Variants in CCNG2 observed in about 807,000 individuals in gnomAD.
CCNG2 encodes the protein cyclin G2, also known as cyclin-G2.
In CCNG2, 20 loss-of-function variants were observed where a neutral mutation model predicts 36.5. The observed-to-expected ratio is 0.55, with a 90% CI of 0.39 to 0.80. The LOEUF (loss-of-function observed/expected upper bound fraction) is 0.80. CCNG2 is among the 30% of genes least tolerant of loss of function. The pLI is 0.00. For synonymous variants in CCNG2, 155 were observed against 140.1 expected (o/e 1.11, Z -0.75); for missense variants, 358 against 390.8 (o/e 0.92, Z 0.71).
intron 6 of CCNG2, among the ~76,000 whole-genome samples, chr4:77,163,404 G>T (rs1461982597): frequency 6.6e-6 from 1 of 152,192 alleles, no homozygotes; most frequent in African/African-American, 2.4e-5. Context: ...TGTCAGTAGA[G>T]CAGTGAGAAG....
At chr4:77,160,426 G>A (rs1156650741) in intron 3 of CCNG2, among the ~76,000 whole-genome samples, 1 of 149,174 alleles carries the variant, frequency 6.7e-6, no homozygotes, top group Non-Finnish European at 1.5e-5. Context: ...TGCTATGTTG[G>A]CCAGAGTGTT....
chr4:77,157,880 G>A (rs1731308494), intron 1 of CCNG2, among the ~76,000 whole-genome samples: 1 of 152,120 alleles, frequency 6.6e-6, no homozygotes, highest in South Asian at 2.1e-4. Flanking sequence ...GGCGCGGGGC[G>A]GGCGGGCTGG....
chr4:77,165,900 A>C lies in CCNG2; in HGVS notation c.1011A>C (p.Ala337=). The C allele has an allele frequency of 6.2e-7, 1 of 1,609,342 alleles. No individual in the cohort carries two copies. Among genetic ancestry groups the C allele is most frequent in the Non-Finnish European group, 8.5e-7 (1 of 1,178,622 alleles). Residue 337 remains alanine (A), a synonymous_variant, in exon 8 of 8, where the codon GCA becomes GCC. Transcript: ENST00000316355. The part of the protein sequence containing the change: ...ECTFFFNFKV[A]QTLCFPS The stretch of plus-strand genomic sequence containing the variant: ...CCTTCTTTTTCAACTTCAAAGTGGC[A>C]CAAACACTGTGCTTTCCATCTTAGA...
Position 77,167,485 on chromosome 4 carries a change from T to G in CCNG2, c.*1561T>G, listed in dbSNP as rs1319317067. 2 of 152,200 alleles carry G rather than the reference T, an allele frequency of 1.3e-5. No individual in the cohort carries two copies. Among genetic ancestry groups the G allele is most frequent in the Non-Finnish European group, 2.9e-5 (2 of 68,032 alleles). The allele number at this position is 152,200 out of a possible 1,614,324, so 9.4% of individuals were successfully genotyped here. A position where few individuals can be genotyped will look rare whatever the true frequency, so the allele number is the denominator to read the frequency against. On this transcript the variant is annotated 3_prime_UTR_variant, in exon 8 of 8. Coordinates refer to ENST00000316355, the MANE Select transcript of CCNG2 (RefSeq NM_004354.3). ...ATTTTCAGTGAGAGGCAACAGGTAT[T>G]AAGTAGAACAGAATGCTCAGGTTGG... is the stretch of plus-strand genomic sequence containing the variant.
intron 4 of CCNG2, 118 bp from the exon 5 acceptor site, chr4:77,161,362 A>G: frequency 1.4e-6 from 1 of 731,894 alleles, no homozygotes; most frequent in Admixed American, 3.2e-5. Context: ...TCTGCCTTCC[A>G]AAGTGGTGGG....
chr4:77,160,548 C>T lies in CCNG2; in HGVS notation c.277-173C>T, dbSNP rs565725095. On this transcript the variant is annotated intron_variant, in intron 3 of 7. Transcript: ENST00000316355. ...TTTTTTTTTGGGGGGGGGGGGAGGT[C>T]GAGAACGTCTAAAATGTGAAAATGT... Among the ~76,000 whole-genome samples, 190 of 138,078 alleles carry T rather than the reference C, an allele frequency of 1.4e-3. 7 individuals are homozygous for T. The highest frequency in any genetic ancestry group is 5.4e-3 in the African/African-American group (185 of 34,510). The allele number at this position is 138,078 out of a possible 152,430, so 90.6% of individuals were successfully genotyped here. A position where few individuals can be genotyped will look rare whatever the true frequency, so the allele number is the denominator to read the frequency against.
chr4:77,158,120 C>T (rs1560420974), intron 1 of CCNG2, among the ~76,000 whole-genome samples: 1 of 152,182 alleles, frequency 6.6e-6, no homozygotes, highest in African/African-American at 2.4e-5. Flanking sequence ...ACTCTCCCTC[C>T]CCTCCCCCCT....
rs752020200 is a variant in CCNG2 at position 77,158,551 on chromosome 4, G to C, written c.19G>C (p.Glu7Gln). The stretch of plus-strand genomic sequence containing the variant: ...ACTGCAGATGAAGGATTTGGGGGCA[G>C]AGCACTTGGCAGGTCATGAAGGGGT... MKDLGA[E>Q]HLAGHEGVQL... Residue 7 changes from glutamate (E) to glutamine (Q), a missense_variant, in exon 2 of 8, where the codon GAG becomes CAG. By Grantham distance (29) the Glu-to-Gln change is conservative (BLOSUM62 2). Transcript: ENST00000316355. The C allele has an allele frequency of 1.2e-6, 2 of 1,614,180 alleles. No homozygotes were observed. The highest frequency in any genetic ancestry group is 8.5e-7 in the Non-Finnish European group (1 of 1,180,024).
chr4:77,159,798 A>G (rs1028792396), intron 3 of CCNG2, among the ~76,000 whole-genome samples: 10 of 152,228 alleles, frequency 6.6e-5, no homozygotes. Flanking sequence ...AGTCCTCAAT[A>G]TAAGATTTCA....
intron 6 of CCNG2, among the ~76,000 whole-genome samples, chr4:77,164,001 A>G (rs940425660): frequency 6.6e-6 from 1 of 152,190 alleles, no homozygotes; most frequent in Non-Finnish European, 1.5e-5. Context: ...ATTGAATCCT[A>G]TGTAGTTTTA....
intron 1 of CCNG2, 168 bp from the exon 2 acceptor site, chr4:77,158,365 G>T: frequency 3.2e-6 from 2 of 626,112 alleles, no homozygotes; most frequent in Non-Finnish European, 5.6e-6. Context: ...CCTGGCCGTG[G>T]TGGGGATTGC....
intron 1 of CCNG2, among the ~76,000 whole-genome samples, 197 bp downstream of exon 1, chr4:77,157,703 A>T (rs914402475): frequency 1.3e-5 from 2 of 151,558 alleles, no homozygotes; most frequent in African/African-American, 2.4e-5. Flanking sequence ...CGTGGGGTGG[A>T]AGGAGGTTGC....
chr4:77,157,785 G>T (rs540196210), intron 1 of CCNG2, among the ~76,000 whole-genome samples: 1 of 152,220 alleles, frequency 6.6e-6, no homozygotes, highest in Admixed American at 6.5e-5. Flanking sequence ...ACTTGCTGGC[G>T]TGGTGCTTCT....
In CCNG2 at chr4:77,158,688, A is replaced by G. The variant is rs1292847888; in HGVS notation, c.138+18A>G. 3 of 1,613,472 alleles carry G rather than the reference A, an allele frequency of 1.9e-6. No individual in the cohort carries two copies. The highest frequency in any genetic ancestry group is 1.3e-5 in the African/African-American group (1 of 74,524). ...CCCCGGAGGTAAGTTGGCAGAAAAGATAACTTGCTCAAGCAGCTGATGGGG... is the reference window on the plus strand; with the variant it reads ...CCCCGGAGGTAAGTTGGCAGAAAAGGTAACTTGCTCAAGCAGCTGATGGGG... On this transcript the variant is annotated intron_variant, in intron 2 of 7. Transcript: ENST00000316355.
In CCNG2 at chr4:77,157,374, G is replaced by A. The variant is rs1443026591; in HGVS notation, c.-133G>A. On this transcript the variant is annotated 5_prime_UTR_variant, in exon 1 of 8. Coordinates refer to ENST00000316355, the MANE Select transcript of CCNG2 (RefSeq NM_004354.3). ...CGAGGCGGCGGTGCCTGGGAGGAAG[G>A]GTCGGATGCCGGACCGGGGGCACCG... 1.3e-5 allele frequency: 2 copies of A among 152,550 alleles called. No individual in the cohort carries two copies. Among genetic ancestry groups the A allele is most frequent in the Admixed American group, 1.3e-4 (2 of 15,278 alleles). 9.4% of individuals were successfully genotyped at this position (152,550 alleles called of 1,614,324 possible). A position where few individuals can be genotyped will look rare whatever the true frequency, so the allele number is the denominator to read the frequency against.
Position 77,158,667 on chromosome 4 carries a change from G to A in CCNG2, c.135G>A (p.Pro45=). 1 of 1,614,084 alleles carries A rather than the reference G, an allele frequency of 6.2e-7. No homozygotes were observed. The highest frequency in any genetic ancestry group is 8.5e-7 in the Non-Finnish European group (1 of 1,180,002). The change falls in exon 2 of 8, where the codon CCG becomes CCA. Residue 45 remains proline (P), a synonymous_variant. Coordinates refer to ENST00000316355, the MANE Select transcript of CCNG2 (RefSeq NM_004354.3). ...GGCTGAGTTTGATTGAGGCTACCCC[G>A]GAGGTAAGTTGGCAGAAAAGATAAC... ...EKGLSLIEAT[P]ENDNTLCPGL...
chr4:77,161,034 G>T, intron 4 of CCNG2, 63 bp downstream of exon 4: 2 of 1,181,242 alleles, frequency 1.7e-6, no homozygotes, highest in Non-Finnish European at 2.3e-6. Context: ...GTAAATAATT[G>T]GAATGGCAAT....
rs1731649798 is a variant in CCNG2, at chr4:77,167,043, C to T, written c.*1119C>T. On this transcript the variant is annotated 3_prime_UTR_variant, in exon 8 of 8. Coordinates refer to ENST00000316355, the MANE Select transcript of CCNG2 (RefSeq NM_004354.3). ...ATTTTTTTACCTTGTGTGTGATAGT[C>T]TAGTCATTGCATGTAAATATAATTT... 6.6e-6 allele frequency: 1 copy of T among 152,036 alleles called. No homozygotes were observed. The highest frequency in any genetic ancestry group is 1.5e-5 in the Non-Finnish European group (1 of 68,000). The allele number at this position is 152,036 out of a possible 1,614,324, so 9.4% of individuals were successfully genotyped here.
chr4:77,161,644 T>TA lies in CCNG2; in HGVS notation c.607-4dup. ...TATTTTTCTTTTTTTTCTTTTTTCT[T>TA]ACAGCCATCTGTATTAGCCTTGTGC... is the stretch of plus-strand genomic sequence containing the variant. On this transcript the variant is annotated splice_polypyrimidine_tract_variant and splice_region_variant and intron_variant, in intron 5 of 7. Coordinates refer to ENST00000316355, the MANE Select transcript of CCNG2 (RefSeq NM_004354.3). The TA allele has an allele frequency of 1.9e-6, 3 of 1,583,048 alleles. No homozygotes were observed. Among genetic ancestry groups the TA allele is most frequent in the Non-Finnish European group, 1.7e-6 (2 of 1,167,356 alleles).
Sources: allele counts gnomAD v4.1 joint callset (sites outside exome capture counted in the v4.1 genomes callset), GRCh38; gene constraint gnomAD v4.1.1; transcripts MANE v1.5; gene names NCBI Gene and HGNC (gene_info 2026-07-23, HGNC 2026-07-21).